RFT1: variants seen among roughly 807,000 people sequenced by gnomAD.
The protein encoded by RFT1 is RFT1 glycolipid translocator homolog, also known as man(5)GlcNAc(2)-PP-dolichol translocation protein RFT1.
In RFT1, 43 loss-of-function variants were observed where a neutral mutation model predicts 62.2. The observed-to-expected ratio is 0.69, with a 90% CI of 0.54 to 0.89. The LOEUF is 0.89. RFT1 is among the 40% of genes least tolerant of loss of function. The probability of loss-of-function intolerance (pLI) is 0.00; values close to 1 mark genes in which losing one functional copy is unlikely to be tolerated. For synonymous variants in RFT1, 262 were observed against 264.6 expected (o/e 0.99, Z 0.10); for missense variants, 605 against 649.9 (o/e 0.93, Z 0.75).
chr3:53,123,279 A>G (rs991957408), intron 3 of RFT1, among the ~76,000 whole-genome samples: 4 of 152,388 alleles, frequency 2.6e-5, no homozygotes, highest in Non-Finnish European at 4.4e-5. Flanking sequence ...CTGAAGTCAC[A>G]TAACAAAACT....
chr3:53,120,058 A>C, intron 5 of RFT1, 37 bp from the exon 6 acceptor site: 1 of 1,543,362 alleles, frequency 6.5e-7, no homozygotes, highest in Non-Finnish European at 8.8e-7. Flanking sequence ...TAAAGGCATA[A>C]TTAAGATATG....
intron 9 of RFT1, 25 bp downstream of exon 9, chr3:53,105,648 G>T: frequency 6.2e-7 from 1 of 1,612,206 alleles, no homozygotes; most frequent in Non-Finnish European, 8.5e-7. Flanking sequence ...ATTCACTTGA[G>T]AGATGACATA....
Position 53,104,058 on chromosome 3 carries a change from G to A in RFT1, c.997C>T (p.Leu333Phe), listed in dbSNP as rs1396143918. 6.2e-7 allele frequency: 1 copy of A among 1,614,152 alleles called. No individual in the cohort carries two copies. The highest frequency in any genetic ancestry group is 1.7e-5 in the Admixed American group (1 of 60,016). The change falls in exon 10 of 13, where the codon CTC becomes TTC. Residue 333 changes from leucine (L) to phenylalanine (F), a missense_variant. Transcript: ENST00000296292. ...AVAAAVLESL[L>F]KLALLAGLTI... ...AGGCCGGCCAGCAGGGCCAGCTTGA[G>A]CAGGGACTCCAAGACTGCAGCAGCC...
chr3:53,075,798 C>T, the RFT1 span, among the ~76,000 whole-genome samples: 1 of 152,124 alleles, frequency 6.6e-6, no homozygotes, highest in East Asian at 1.9e-4. Flanking sequence ...GGAGCAGGCT[C>T]AGAGCTCAGC....
rs907835088 is a variant in RFT1 at position 53,090,524 on chromosome 3, G to A, written c.*1379C>T. On this transcript the variant is annotated 3_prime_UTR_variant, in exon 13 of 13. Coordinates refer to ENST00000296292, the MANE Select transcript of RFT1 (RefSeq NM_052859.4). ...CTCTGAGTAGATAAAAACCTGCCAG[G>A]TGACTGGGCCCCAGTCTTGGTGTAC... is the stretch of plus-strand genomic sequence containing the variant. The A allele has an allele frequency of 6.6e-6, 1 of 152,196 alleles. No homozygotes were observed. Among genetic ancestry groups the A allele is most frequent in the Non-Finnish European group, 1.5e-5 (1 of 68,048 alleles). 9.4% of individuals were successfully genotyped at this position (152,196 alleles called of 1,614,324 possible). A position where few individuals can be genotyped will look rare whatever the true frequency, so the allele number is the denominator to read the frequency against.
intron 7 of RFT1, among the ~76,000 whole-genome samples, chr3:53,108,512 C>A (rs1192766838): frequency 2.0e-5 from 3 of 151,692 alleles, no homozygotes; most frequent in Non-Finnish European, 2.9e-5. Context: ...CCTCAGCCTC[C>A]TGAGTAGCTG....
At chr3:53,121,822 G>A (rs1666316204) in intron 4 of RFT1, 22 bp from the exon 5 acceptor site, 10 of 1,587,420 alleles carry the variant, frequency 6.3e-6, no homozygotes, top group Non-Finnish European at 8.6e-6. Context: ...TGGTTAAGGT[G>A]CAGTTTACAA....
At chr3:53,115,814 A>G (rs1252129782) in intron 6 of RFT1, among the ~76,000 whole-genome samples, 1 of 152,208 alleles carries the variant, frequency 6.6e-6, no homozygotes, top group Non-Finnish European at 1.5e-5. Context: ...CTGTGCTTCT[A>G]TTTTGATAAC....
At chr3:53,128,055 C>T (rs929922422) in intron 1 of RFT1, among the ~76,000 whole-genome samples, 2 of 151,846 alleles carry the variant, frequency 1.3e-5, no homozygotes, top group Non-Finnish European at 2.9e-5. Flanking sequence ...GCCAGCACTT[C>T]GGGAGGCTGA....
rs2107163920 is a variant in RFT1 at position 53,122,356 on chromosome 3, A to G, written c.456+18T>C. The G allele has an allele frequency of 6.2e-7, 1 of 1,612,300 alleles. No individual in the cohort carries two copies. Among genetic ancestry groups the G allele is most frequent in the Middle Eastern group, 1.7e-4 (1 of 6,056 alleles). Reference sequence around the variant, plus strand: ...CTTATTCTTCCCATTTCCCATTCACAGCAGAAGGTGCACTGACCTTGAGCT... The same window carrying G: ...CTTATTCTTCCCATTTCCCATTCACGGCAGAAGGTGCACTGACCTTGAGCT... On this transcript the variant is annotated intron_variant, in intron 4 of 12. Coordinates refer to ENST00000296292, the MANE Select transcript of RFT1 (RefSeq NM_052859.4).
intron 6 of RFT1, among the ~76,000 whole-genome samples, chr3:53,118,889 G>A (rs1380731000): frequency 1.3e-5 from 2 of 152,128 alleles, no homozygotes; most frequent in African/African-American, 4.8e-5. Context: ...ATGGAAAAGT[G>A]TATCACCTGA....
chr3:53,068,557 C>T, the RFT1 span, among the ~76,000 whole-genome samples: 63 of 152,314 alleles, frequency 4.1e-4, no homozygotes, highest in African/African-American at 1.4e-3. Context: ...GAAAAGTCAC[C>T]TGGCCATTGT....
the RFT1 span, among the ~76,000 whole-genome samples, chr3:53,075,247 A>C: frequency 8.5e-5 from 13 of 152,190 alleles, no homozygotes. Flanking sequence ...TAGCCGATTG[A>C]ATCTGAGTTG....
In RFT1 at chr3:53,099,411, A is replaced by G; in HGVS notation, c.1178T>C (p.Phe393Ser). ...AINGVTECFTFAAMSKEEVDR... is the reference protein window; with the variant it reads ...AINGVTECFTSAAMSKEEVDR... ...GACCTCCTCTTTGCTCATGGCAGCAAATGTGAAACACTCTGTCACTCCATT... is the reference window on the plus strand; with the variant it reads ...GACCTCCTCTTTGCTCATGGCAGCAGATGTGAAACACTCTGTCACTCCATT... Residue 393 changes from phenylalanine to serine, a missense_variant, in exon 11 of 13, where the codon TTT (phenylalanine) becomes TCT (serine). Physicochemically the swap from Phe to Ser is radical, Grantham distance 155 (BLOSUM62 -2). Transcript: ENST00000296292. 1 of 1,614,150 alleles carries G rather than the reference A, an allele frequency of 6.2e-7. No homozygotes were observed. The highest frequency in any genetic ancestry group is 1.1e-5 in the South Asian group (1 of 91,086).
At chr3:53,072,078 C>T in the RFT1 span, among the ~76,000 whole-genome samples, 3 of 152,206 alleles carry the variant, frequency 2.0e-5, no homozygotes, top group East Asian at 1.9e-4. Flanking sequence ...CTGCTCCTGG[C>T]GTCACTGTTG....
rs1171773257 is a variant in RFT1, at chr3:53,099,378, C to T, written c.1208+3G>A. On this transcript the variant is annotated splice_donor_region_variant and intron_variant, in intron 11 of 12. Transcript: ENST00000296292. Reference sequence around the variant, plus strand: ...TTAAAGGTGTACCTGCTAGGTTACCCACCTGTCGACCTCCTCTTTGCTCAT... The same window carrying T: ...TTAAAGGTGTACCTGCTAGGTTACCTACCTGTCGACCTCCTCTTTGCTCAT... 4.1e-5 allele frequency: 66 copies of T among 1,611,904 alleles called. No individual in the cohort carries two copies. Among genetic ancestry groups the T allele is most frequent in the Non-Finnish European group, 5.3e-5 (63 of 1,177,980 alleles).
intron 6 of RFT1, among the ~76,000 whole-genome samples, chr3:53,117,362 AC>A (rs1468647938): frequency 6.6e-6 from 1 of 151,900 alleles, no homozygotes; most frequent in Non-Finnish European, 1.5e-5. Context: ...AAAAATGAAG[AC>A]CCTGAGGTCT....
At chr3:53,095,829 A>G (rs1701124070) in intron 11 of RFT1, among the ~76,000 whole-genome samples, 1 of 152,206 alleles carries the variant, frequency 6.6e-6, no homozygotes, top group Admixed American at 6.5e-5. Context: ...CAGCCATACA[A>G]TCGAGCCTTC....
downstream of RFT1, among the ~76,000 whole-genome samples, chr3:53,087,276 TTC>T (rs1182965685): frequency 6.6e-6 from 1 of 152,026 alleles, no homozygotes; most frequent in Non-Finnish European, 1.5e-5. Context: ...CCTGTTCGGA[TTC>T]TCTCTCTTCT....
Sources: gnomAD v4.1 joint callset for allele counts (sites outside exome capture counted in the v4.1 genomes callset) on GRCh38, gnomAD v4.1.1 for gene constraint, MANE v1.5 for transcripts, NCBI Gene and HGNC (gene_info 2026-07-23, HGNC 2026-07-21) for gene names.